ANKRD12: variants seen among roughly 807,000 people sequenced by gnomAD.
The protein encoded by ANKRD12 is ankyrin repeat domain 12.
A neutral mutation model predicts 183.4 loss-of-function variants in ANKRD12; 85 were observed. That is an observed-to-expected ratio of 0.46 (90% CI 0.39 to 0.56). The LOEUF (loss-of-function observed/expected upper bound fraction) is 0.56, where lower values mean the gene tolerates loss of function less well. Among genes scored for constraint, ANKRD12 ranks in the 20% least tolerant of loss-of-function variants. ANKRD12 has a pLI of 0.00. For synonymous variants in ANKRD12, 914 were observed against 800.2 expected, an observed-to-expected ratio of 1.14 and a Z score of -2.40; for missense variants, 2,405 against 2,357.1, an observed-to-expected ratio of 1.02 and a Z score of -0.42.
intron 1 of ANKRD12, among the ~76,000 whole-genome samples, chr18:9,176,974 A>G (rs2033322098): frequency 6.6e-6 from 1 of 152,198 alleles, no homozygotes. Context: ...TGTTCGATAC[A>G]TAGACTGTTT....
At chr18:9,178,500 T>G (rs1230692987) in intron 1 of ANKRD12, among the ~76,000 whole-genome samples, 2 of 152,172 alleles carry the variant, frequency 1.3e-5, no homozygotes, top group African/African-American at 4.8e-5. Flanking sequence ...GTTCCGTTAA[T>G]CTATAAGTCT....
chr18:9,144,140 T>C (rs1021558915), intron 1 of ANKRD12, among the ~76,000 whole-genome samples: 1 of 152,182 alleles, frequency 6.6e-6, no homozygotes, highest in African/African-American at 2.4e-5. Flanking sequence ...CATTTTTCTC[T>C]TTTTTTCTTA....
At chr18:9,226,819 C>CT (rs1337231310) in intron 8 of ANKRD12, among the ~76,000 whole-genome samples, 2 of 151,852 alleles carry the variant, frequency 1.3e-5, no homozygotes, top group Non-Finnish European at 2.9e-5. Flanking sequence ...GAGAAATGCT[C>CT]TTTTTTAAAA....
chr18:9,266,191 T>C (rs1463556036), intron 10 of ANKRD12, among the ~76,000 whole-genome samples: 1 of 152,216 alleles, frequency 6.6e-6, no homozygotes, highest in Non-Finnish European at 1.5e-5. Context: ...GAAAACACTC[T>C]GCAGGATATT....
chr18:9,218,239 G>A (rs979459496), intron 7 of ANKRD12, among the ~76,000 whole-genome samples: 3 of 152,108 alleles, frequency 2.0e-5, no homozygotes, highest in African/African-American at 7.2e-5. Context: ...GACCTTTTGA[G>A]CTCATGTACT....
intron 1 of ANKRD12, among the ~76,000 whole-genome samples, chr18:9,178,408 C>T (rs993186229): frequency 4.6e-5 from 7 of 151,914 alleles, no homozygotes; most frequent in African/African-American, 1.7e-4. Flanking sequence ...ATCCTTTTCC[C>T]AGTGAATTAC....
intron 8 of ANKRD12, among the ~76,000 whole-genome samples, chr18:9,252,938 A>T (rs1223155551): frequency 6.6e-6 from 1 of 152,212 alleles, no homozygotes; most frequent in Non-Finnish European, 1.5e-5. Context: ...AAAAAAGTGC[A>T]TATGTGCAGA....
Position 9,257,114 on chromosome 18 carries a change from A to G in ANKRD12, c.3847A>G (p.Thr1283Ala), listed in dbSNP as rs1429725893. 2 of 1,614,042 alleles carry G rather than the reference A, an allele frequency of 1.2e-6. No homozygotes were observed. The highest frequency in any genetic ancestry group is 1.7e-6 in the Non-Finnish European group (2 of 1,180,004). ...IKPPYANRLS[T>A]SHLRSSSVED... The stretch of plus-strand genomic sequence containing the variant: ...ACCACCATATGCAAACAGACTTTCA[A>G]CATCCCATCTTAGGTCATCTTCTGT... Residue 1283 changes from threonine (T) to alanine (A), a missense_variant, in exon 9 of 13, where the codon ACA (threonine) becomes GCA (alanine). Transcript: ENST00000262126.
rs1002182156 is a variant in ANKRD12 at position 9,230,730 on chromosome 18, C to T, written c.943+8731C>T. 2.0e-5 allele frequency among the ~76,000 whole-genome samples: 3 copies of T among 151,686 alleles called. No individual in the cohort carries two copies. The East Asian group carries it at 5.8e-4, about 29-fold the overall frequency. ...CTTGAGTGCAGTGGCACGATCTCGG[C>T]TTATTGCAACCTTTGCCTCCCAGGC... On this transcript the variant is annotated intron_variant, in intron 8 of 12. Coordinates refer to ENST00000262126, the MANE Select transcript of ANKRD12 (RefSeq NM_015208.5).
intron 8 of ANKRD12, among the ~76,000 whole-genome samples, chr18:9,225,766 T>C (rs2036668885): frequency 6.6e-6 from 1 of 152,192 alleles, no homozygotes; most frequent in East Asian, 1.9e-4. Context: ...TTTTATAACA[T>C]AACCACTTAC....
intron 3 of ANKRD12, among the ~76,000 whole-genome samples, chr18:9,196,222 A>ACACACACT (rs869042165): frequency 5.3e-4 from 70 of 133,296 alleles, no homozygotes; most frequent in African/African-American, 1.7e-3. Context: ...ACACACACAC[A>ACACACACT]CTGAGGCTAA....
At chr18:9,198,681 C>T (rs953973754) in intron 3 of ANKRD12, among the ~76,000 whole-genome samples, 10 of 152,072 alleles carry the variant, frequency 6.6e-5, no homozygotes, top group Non-Finnish European at 1.3e-4. Context: ...TTCCGAGTAG[C>T]TGGGATTACA....
At chr18:9,263,678 CAGGACATCAGAATTT>C in intron 9 of ANKRD12, 97 bp from the exon 10 acceptor site, 5 of 636,288 alleles carry the variant, frequency 7.9e-6, no homozygotes, top group Non-Finnish European at 1.2e-5. Context: ...ATTTAATTCA[CAGGACATCAGAATTT>C]GTTTTTTTAT....
At position 9,147,779 on chromosome 18, in the gene ANKRD12, A is replaced by G. The variant is rs367975437; in HGVS notation, c.-52+10814A>G. Among the ~76,000 whole-genome samples the G allele has an allele frequency of 2.2e-4, 33 of 152,324 alleles. No individual in the cohort carries two copies. The South Asian group carries it at 4.6e-3, about 21-fold the overall frequency. ...GTATAGATTTGAGAGGAACCAAACA[A>G]AATAATTATTTTAGGAAGATCAGTT... On this transcript the variant is annotated intron_variant, in intron 1 of 12. Coordinates refer to ENST00000262126, the MANE Select transcript of ANKRD12 (RefSeq NM_015208.5).
intron 9 of ANKRD12, 135 bp downstream of exon 9, chr18:9,259,066 A>G (rs1452194775): frequency 8.5e-6 from 9 of 1,054,568 alleles, no homozygotes; most frequent in Non-Finnish European, 1.2e-5. Flanking sequence ...GTCGAGATAT[A>G]AAGCTAGTAA....
At chr18:9,228,188 G>A (rs2036835325) in intron 8 of ANKRD12, among the ~76,000 whole-genome samples, 1 of 152,084 alleles carries the variant, frequency 6.6e-6, no homozygotes, top group Non-Finnish European at 1.5e-5. Context: ...TAGTACTCTA[G>A]TGTATATATG....
intron 1 of ANKRD12, among the ~76,000 whole-genome samples, chr18:9,175,783 C>G (rs1044367268): frequency 3.3e-5 from 5 of 151,938 alleles, no homozygotes; most frequent in African/African-American, 1.2e-4. Context: ...CTGCCTTGGC[C>G]TCCCAAAGTG....
chr18:9,205,615 A>G (rs1172542634), intron 4 of ANKRD12, among the ~76,000 whole-genome samples: 1 of 152,126 alleles, frequency 6.6e-6, no homozygotes, highest in Non-Finnish European at 1.5e-5. Flanking sequence ...TAAGTACCCA[A>G]AGTGCCCCTG....
At chr18:9,167,457 G>T (rs2032198438) in intron 1 of ANKRD12, among the ~76,000 whole-genome samples, 1 of 152,062 alleles carries the variant, frequency 6.6e-6, no homozygotes, top group Non-Finnish European at 1.5e-5. Context: ...GGATTCCTAG[G>T]TATTTTATTC....
Sources: allele counts gnomAD v4.1 joint callset (sites outside exome capture counted in the v4.1 genomes callset), GRCh38; gene constraint gnomAD v4.1.1; transcripts MANE v1.5; gene names NCBI Gene and HGNC (gene_info 2026-07-23, HGNC 2026-07-21).